The following SNTG2 variants were observed in gnomAD, a reference collection of about 807,000 sequenced individuals.
The protein encoded by SNTG2 is gamma-2-syntrophin.
In SNTG2, 74 loss-of-function variants were observed where a neutral mutation model predicts 70.9. The ratio of observed to expected loss-of-function variants is 1.04; its 90% confidence interval spans 0.86 to 1.27. SNTG2 has a LOEUF of 1.27. Ranked by LOEUF, SNTG2 falls within the 50% of genes most tolerant of loss-of-function variation. The pLI, the probability that SNTG2 is intolerant of heterozygous loss-of-function variation, is 0.00. For synonymous variants in SNTG2, 278 were observed against 273.8 expected (o/e 1.02, Z -0.15); for missense variants, 717 against 690.7 (o/e 1.04, Z -0.43).
intron 1 of SNTG2, among the ~76,000 whole-genome samples, chr2:1,024,707 A>G: frequency 6.6e-6 from 1 of 152,178 alleles, no homozygotes; most frequent in Non-Finnish European, 1.5e-5. Flanking sequence ...TGATTCTGAA[A>G]TTTACCTGCA....
At chr2:1,071,149 G>T (rs936450693) in intron 1 of SNTG2, among the ~76,000 whole-genome samples, 1 of 152,066 alleles carries the variant, frequency 6.6e-6, no homozygotes, top group Non-Finnish European at 1.5e-5. Context: ...GAGAAGATCT[G>T]GGTATATACC....
chr2:1,077,404 T>G (rs1345813020), intron 1 of SNTG2, among the ~76,000 whole-genome samples: 2 of 152,186 alleles, frequency 1.3e-5, no homozygotes, highest in Middle Eastern at 3.2e-3. Context: ...GTGACTGTGG[T>G]TTTTTCATGG....
chr2:1,237,085 G>A (rs1676710146), intron 9 of SNTG2, among the ~76,000 whole-genome samples: 1 of 151,948 alleles, frequency 6.6e-6, no homozygotes, highest in South Asian at 2.1e-4. Context: ...TGGAGCTACA[G>A]GTGTGTGCCA....
intron 14 of SNTG2, among the ~76,000 whole-genome samples, chr2:1,297,756 A>C (rs1315037064): frequency 6.6e-6 from 1 of 152,248 alleles, no homozygotes; most frequent in Admixed American, 6.5e-5. Context: ...AAGAATGGAA[A>C]AGAAGGTCCA....
At chr2:1,117,699 G>C (rs1432267324) in intron 4 of SNTG2, among the ~76,000 whole-genome samples, 1 of 152,202 alleles carries the variant, frequency 6.6e-6, no homozygotes, top group Non-Finnish European at 1.5e-5. Flanking sequence ...AGCTACAGAG[G>C]TTCCTGCCTC....
chr2:1,070,661 A>G (rs1663472009), intron 1 of SNTG2, among the ~76,000 whole-genome samples: 1 of 152,178 alleles, frequency 6.6e-6, no homozygotes, highest in African/African-American at 2.4e-5. Flanking sequence ...TAATTCATAA[A>G]ATCAAATCTA....
chr2:1,260,778 C>CAGAAGAATTCGTAGAAGAATTCGT (rs76404701), intron 13 of SNTG2, among the ~76,000 whole-genome samples: 99 of 152,156 alleles, frequency 6.5e-4, no homozygotes, highest in African/African-American at 2.2e-3. Flanking sequence ...CACATTTCCA[C>CAGAAGAATTCGTAGAAGAATTCGT]AGAAGAATTC....
chr2:1,223,365 T>C (rs1675487680), intron 9 of SNTG2, among the ~76,000 whole-genome samples: 1 of 124,530 alleles, frequency 8.0e-6, no homozygotes, highest in Non-Finnish European at 1.8e-5. Context: ...TGTCCTGCCG[T>C]GGAGGTGCTG....
At chr2:1,192,142 G>T (rs1314448769) in intron 8 of SNTG2, among the ~76,000 whole-genome samples, 1 of 152,164 alleles carries the variant, frequency 6.6e-6, no homozygotes, top group Non-Finnish European at 1.5e-5. Flanking sequence ...GAAGGACTGG[G>T]CCCAGAAGGC....
chr2:1,149,057 G>A (rs1013113439), intron 6 of SNTG2, among the ~76,000 whole-genome samples: 2 of 152,232 alleles, frequency 1.3e-5, no homozygotes, highest in African/African-American at 4.8e-5. Context: ...TCCCTGGAAG[G>A]TATTTAAAAC....
chr2:1,005,445 C>G (rs532291318), intron 1 of SNTG2, among the ~76,000 whole-genome samples: 6 of 151,892 alleles, frequency 4.0e-5, no homozygotes, highest in Non-Finnish European at 7.4e-5. Flanking sequence ...TTCTCTGTAC[C>G]GTCCTCGTCC....
In SNTG2 at chr2:1,353,136, A is replaced by G. The variant is rs1416143251; in HGVS notation, c.1489-14207A>G. Among the ~76,000 whole-genome samples the G allele has an allele frequency of 3.3e-5, 5 of 152,026 alleles. No individual in the cohort carries two copies. The highest frequency in any genetic ancestry group is 7.4e-5 in the Non-Finnish European group (5 of 68,010). ...TATGCAAAACCACTGGGAGCTTGAA[A>G]CTGGCTGTGGCGGGAGCACATATAC... On this transcript the variant is annotated intron_variant, in intron 16 of 16. Coordinates refer to ENST00000308624, the MANE Select transcript of SNTG2 (RefSeq NM_018968.4). The surrounding 1 kb of genome is among the most constrained non-coding windows in gnomAD (Gnocchi z 4.2).
At chr2:1,312,044 G>A (rs1457076416) in intron 15 of SNTG2, among the ~76,000 whole-genome samples, 4 of 151,852 alleles carry the variant, frequency 2.6e-5, no homozygotes, top group Admixed American at 6.6e-5. Context: ...ATAAAGACAA[G>A]CAATTATTTC....
intron 1 of SNTG2, among the ~76,000 whole-genome samples, chr2:1,060,519 A>T (rs1170733527): frequency 6.6e-6 from 1 of 152,190 alleles, no homozygotes; most frequent in Non-Finnish European, 1.5e-5. Flanking sequence ...TCTTCACAAA[A>T]GGGAACCAGG....
chr2:1,270,141 C>A (rs1305140618), intron 14 of SNTG2, among the ~76,000 whole-genome samples: 1 of 152,084 alleles, frequency 6.6e-6, no homozygotes, highest in Non-Finnish European at 1.5e-5. Flanking sequence ...TTTCAGGAAC[C>A]CACCCTGCAG....
At chr2:1,030,364 G>T (rs1378762910) in intron 1 of SNTG2, among the ~76,000 whole-genome samples, 1 of 152,136 alleles carries the variant, frequency 6.6e-6, no homozygotes, top group Non-Finnish European at 1.5e-5. Flanking sequence ...AATTTCAAAT[G>T]TAGCTGTGGT....
chr2:1,215,618 A>G (rs1430327295), intron 9 of SNTG2, among the ~76,000 whole-genome samples: 2 of 151,550 alleles, frequency 1.3e-5, no homozygotes, highest in African/African-American at 4.9e-5. Flanking sequence ...GGTTCGTTAC[A>G]TATGTATACA....
At chr2:1,106,755 C>T (rs1298860962) in intron 4 of SNTG2, among the ~76,000 whole-genome samples, 1 of 73,838 alleles carries the variant, frequency 1.4e-5, no homozygotes, top group African/African-American at 6.2e-5. Context: ...TGGACACGTG[C>T]TGTCACTCGG....
At chr2:1,226,411 G>A (rs1210307856) in intron 9 of SNTG2, among the ~76,000 whole-genome samples, 1 of 152,144 alleles carries the variant, frequency 6.6e-6, no homozygotes, top group African/African-American at 2.4e-5. Flanking sequence ...GCAGTGGGTG[G>A]GGCCGTGCCA....
Sources: gnomAD v4.1 joint callset for allele counts (sites outside exome capture counted in the v4.1 genomes callset) on GRCh38, gnomAD v4.1.1 for gene constraint, Gnocchi (gnomAD v3.1) non-coding constraint, MANE v1.5 for transcripts, NCBI Gene and HGNC (gene_info 2026-07-23, HGNC 2026-07-21) for gene names.